The following FANCL variants were observed in gnomAD, a reference collection of about 807,000 sequenced individuals.
FANCL encodes the protein E3 ubiquitin-protein ligase FANCL.
In FANCL, 69 loss-of-function variants were observed where a neutral mutation model predicts 59.4. That is an observed-to-expected ratio of 1.16 (90% CI 0.96 to 1.42). The LOEUF (loss-of-function observed/expected upper bound fraction) is 1.42. Among genes scored for constraint, FANCL ranks in the 40% most tolerant of loss-of-function variants. The probability of loss-of-function intolerance (pLI) is 0.00; values close to 1 mark genes in which losing one functional copy is unlikely to be tolerated. For synonymous variants in FANCL, 180 were observed against 147.1 expected, an observed-to-expected ratio of 1.22 and a Z score of -1.62; for missense variants, 519 against 447.2, an observed-to-expected ratio of 1.16 and a Z score of -1.45.
At chr2:58,176,127 A>G (rs1687271648) in intron 7 of FANCL, among the ~76,000 whole-genome samples, 1 of 151,674 alleles carries the variant, frequency 6.6e-6, no homozygotes, top group South Asian at 2.1e-4. Context: ...AGGAAATAAA[A>G]GAGGATACAA....
Position 58,232,088 on chromosome 2 carries a change from C to A in FANCL, c.121G>T (p.Val41Leu), listed in dbSNP as rs763523035. 2.5e-6 allele frequency: 4 copies of A among 1,613,354 alleles called. No individual in the cohort carries two copies. The Admixed American group carries it at 6.7e-5, about 27-fold the overall frequency. ...TTCAGTTGTAAATCTTCAGGCAACA[C>A]TATCCTAAGGTGGAAGTCTCTTCCC... ...AQGRDFHLRI[V>L]LPEDLQLKNA... The change falls in exon 2 of 14, where the codon GTG becomes TTG. Residue 41 changes from valine to leucine, a missense_variant. Val to Leu is a conservative substitution (Grantham distance 32, BLOSUM62 1). Coordinates refer to ENST00000233741, the MANE Select transcript of FANCL (RefSeq NM_018062.4).
intron 7 of FANCL, among the ~76,000 whole-genome samples, chr2:58,176,714 G>A (rs1432830531): frequency 1.3e-5 from 2 of 152,062 alleles, no homozygotes; most frequent in Non-Finnish European, 2.9e-5. Flanking sequence ...CAGGACATAG[G>A]CATGGGCAAG....
chr2:58,174,997 T>G (rs1687132217), intron 7 of FANCL, among the ~76,000 whole-genome samples: 2 of 152,104 alleles, frequency 1.3e-5, no homozygotes, highest in Admixed American at 1.3e-4. Context: ...CAGAGAATAC[T>G]ATAAACACCT....
chr2:58,232,525 A>G (rs1693679608), intron 1 of FANCL, among the ~76,000 whole-genome samples: 1 of 152,102 alleles, frequency 6.6e-6, no homozygotes, highest in Non-Finnish European at 1.5e-5. Flanking sequence ...ATAAGGATAT[A>G]TAACATTATA....
At chr2:58,161,904 T>C (rs925434434) in intron 11 of FANCL, among the ~76,000 whole-genome samples, 3 of 151,942 alleles carry the variant, frequency 2.0e-5, no homozygotes, top group Admixed American at 6.6e-5. Flanking sequence ...ATAGTTTTTA[T>C]AAAGGTGACT....
At chr2:58,172,878 G>A (rs1686817917) in intron 7 of FANCL, among the ~76,000 whole-genome samples, 1 of 152,078 alleles carries the variant, frequency 6.6e-6, no homozygotes, top group African/African-American at 2.4e-5. Flanking sequence ...CGAAGAAGCT[G>A]AAAACTTTGA....
At chr2:58,179,601 C>A (rs1489454146) in intron 7 of FANCL, among the ~76,000 whole-genome samples, 5 of 152,158 alleles carry the variant, frequency 3.3e-5, no homozygotes, top group African/African-American at 1.2e-4. Flanking sequence ...GGATTAAAGA[C>A]TTAAACATAA....
intron 7 of FANCL, among the ~76,000 whole-genome samples, chr2:58,167,559 G>A (rs1392355424): frequency 1.3e-5 from 2 of 152,078 alleles, no homozygotes; most frequent in South Asian, 2.1e-4. Context: ...TTTTCCAATG[G>A]CATTGTCCAT....
Position 58,204,208 on chromosome 2 carries a change from G to C in FANCL, c.393C>G (p.Thr131=). The change falls in exon 6 of 14, where the codon ACC becomes ACG. Residue 131 remains threonine (T), a synonymous_variant. Coordinates refer to ENST00000233741, the MANE Select transcript of FANCL (RefSeq NM_018062.4). ...CTTTTAACTTGATGGTACTGAAGCAGGTATCCGCATACACAAGTCTGGTGA... is the reference window on the plus strand; with the variant it reads ...CTTTTAACTTGATGGTACTGAAGCACGTATCCGCATACACAAGTCTGGTGA... ...LGWDKLVYAD[T]CFSTIKLKAE... The C allele has an allele frequency of 6.2e-7, 1 of 1,613,096 alleles. No homozygotes were observed. The highest frequency in any genetic ancestry group is 1.3e-5 in the African/African-American group (1 of 74,972).
At chr2:58,203,430 C>T (rs1052540052) in intron 6 of FANCL, among the ~76,000 whole-genome samples, 1 of 151,748 alleles carries the variant, frequency 6.6e-6, no homozygotes, top group Non-Finnish European at 1.5e-5. Flanking sequence ...GTTGGACATC[C>T]TGGTTTTCTT....
rs1684895169 is a variant in FANCL, at chr2:58,160,120, TG to T, written c.1079del (p.Pro360HisfsTer9). 1 of 1,612,660 alleles carries T rather than the reference TG, an allele frequency of 6.2e-7. No individual in the cohort carries two copies. The highest frequency in any genetic ancestry group is 8.5e-7 in the Non-Finnish European group (1 of 1,179,000). ...ACAATTTGCTTACCTTACTACAATA[TG>T]GACATTCACCAAATATGATGTTAAA... ...QSFNIIFGEC[P>X]YCSKPITLKM... On this transcript the variant is annotated frameshift_variant, in exon 13 of 14. Coordinates refer to ENST00000233741, the MANE Select transcript of FANCL (RefSeq NM_018062.4). LOFTEE classifies it high-confidence loss of function.
At chr2:58,216,718 G>C (rs1012035140) in intron 5 of FANCL, among the ~76,000 whole-genome samples, 6 of 152,128 alleles carry the variant, frequency 3.9e-5, no homozygotes, top group African/African-American at 1.4e-4. Flanking sequence ...AGTGAAAACA[G>C]AATGCACACT....
At chr2:58,182,676 C>T (rs1688045196) in intron 7 of FANCL, among the ~76,000 whole-genome samples, 1 of 151,600 alleles carries the variant, frequency 6.6e-6, no homozygotes, top group Non-Finnish European at 1.5e-5. Context: ...CTGAAGAATG[C>T]AATCCTCACT....
At position 58,159,334 on chromosome 2, in the gene FANCL, G is replaced by A; in HGVS notation, c.*431C>T. The A allele has an allele frequency of 1.3e-6, 2 of 1,574,564 alleles. No individual in the cohort carries two copies. The highest frequency in any genetic ancestry group is 1.7e-6 in the Non-Finnish European group (2 of 1,161,670). On this transcript the variant is annotated 3_prime_UTR_variant, in exon 14 of 14. Coordinates refer to ENST00000233741, the MANE Select transcript of FANCL (RefSeq NM_018062.4). ...ACGTCTAACAAACTAAACTATATAT[G>A]TATTTTTTCCATAGGAAAGCACAAG...
At chr2:58,175,073 G>C (rs1014095945) in intron 7 of FANCL, among the ~76,000 whole-genome samples, 2 of 151,014 alleles carry the variant, frequency 1.3e-5, no homozygotes, top group Non-Finnish European at 2.9e-5. Flanking sequence ...TCCCTCCCAA[G>C]ACTAAACCAG....
chr2:58,229,910 G>A, intron 2 of FANCL, 36 bp from the exon 3 acceptor site: 1 of 1,475,400 alleles, frequency 6.8e-7, no homozygotes, highest in Non-Finnish European at 9.5e-7. Context: ...TTTATTCATT[G>A]TTCAGAATTA....
rs569529822 is a variant in FANCL, at chr2:58,175,586, G to A, written c.541-9712C>T. On this transcript the variant is annotated intron_variant, in intron 7 of 13. Transcript: ENST00000233741. The stretch of plus-strand genomic sequence containing the variant: ...AAGGCCTTTGACAAAATTCAACAAC[G>A]CTTCATGCTAAAAACTCTCAATAAA... Among the ~76,000 whole-genome samples the A allele has an allele frequency of 1.5e-3, 235 of 151,980 alleles. 1 individual carries two copies. Among genetic ancestry groups the A allele is most frequent in the African/African-American group, 4.4e-3 (181 of 41,408 alleles).
In FANCL at chr2:58,203,886, G is replaced by GT. The variant is rs576389872; in HGVS notation, c.471+243dup. On this transcript the variant is annotated intron_variant, in intron 6 of 13. Transcript: ENST00000233741. Reference sequence around the variant, plus strand: ...CATGGTACTCTGAGTCTATAAAATTGTAACTGTAGTATTTGTTATAAAGTC... The same window carrying GT: ...CATGGTACTCTGAGTCTATAAAATTGTTAACTGTAGTATTTGTTATAAAGTC... Among the ~76,000 whole-genome samples, 226 of 152,118 alleles carry GT rather than the reference G, an allele frequency of 1.5e-3. 1 individual carries two copies. Among genetic ancestry groups the GT allele is most frequent in the Non-Finnish European group, 2.6e-3 (176 of 67,952 alleles).
intron 5 of FANCL, among the ~76,000 whole-genome samples, chr2:58,208,387 T>C (rs1034311433): frequency 2.6e-5 from 4 of 152,212 alleles, no homozygotes; most frequent in African/African-American, 9.6e-5. Flanking sequence ...ATTTGCTATA[T>C]TTCTTTATAA....
Sources: allele counts gnomAD v4.1 joint callset (sites outside exome capture counted in the v4.1 genomes callset), GRCh38; gene constraint gnomAD v4.1.1; transcripts MANE v1.5; gene names NCBI Gene and HGNC (gene_info 2026-07-23, HGNC 2026-07-21).